The following PLEKHO2 variants were observed in gnomAD, a reference collection of about 807,000 sequenced individuals.
PLEKHO2 encodes the protein pleckstrin homology domain-containing family O member 2.
PLEKHO2 carries 20 observed loss-of-function variants against 32.7 expected under a neutral mutation model. The observed-to-expected ratio is 0.61, with a 90% CI of 0.43 to 0.89. The LOEUF (loss-of-function observed/expected upper bound fraction) is 0.89. Ranked by LOEUF, PLEKHO2 falls within the 40% of genes least tolerant of loss-of-function variation. The pLI is 0.00. For synonymous variants in PLEKHO2, 247 were observed against 246.3 expected, an observed-to-expected ratio of 1.00 and a Z score of -0.03; for missense variants, 568 against 621.2, an observed-to-expected ratio of 0.91 and a Z score of 0.91.
At chr15:64,847,113 TTCCCCACCACTAGAA>T (rs1365644252) in intron 1 of PLEKHO2, among the ~76,000 whole-genome samples, 1 of 152,192 alleles carries the variant, frequency 6.6e-6, no homozygotes, top group Non-Finnish European at 1.5e-5. Context: ...TAAGCCCAGA[TTCCCCACCACTAGAA>T]TGCGCAGTTC....
chr15:64,865,687 G>A lies in PLEKHO2; in HGVS notation c.1272G>A (p.Glu424=), dbSNP rs201252760. The part of the protein sequence containing the change: ...LEVKVASEQT[E]KLLNKVLGSE... ...TGAAGGTGGCCTCGGAACAGACGGA[G>A]AAACTGTTGAACAAGGTGCTGGGCA... is the stretch of plus-strand genomic sequence containing the variant. The change falls in exon 6 of 6, where the codon GAG becomes GAA. Residue 424 remains glutamate (E), a synonymous_variant. Coordinates refer to ENST00000323544, the MANE Select transcript of PLEKHO2 (RefSeq NM_025201.5). The A allele has an allele frequency of 1.5e-5, 24 of 1,614,236 alleles. No homozygotes were observed.
At chr15:64,862,194 C>T (rs1160187355) in intron 5 of PLEKHO2, among the ~76,000 whole-genome samples, 2 of 151,910 alleles carry the variant, frequency 1.3e-5, no homozygotes, top group Admixed American at 1.3e-4. Context: ...GGTGAAGAAG[C>T]TGGAGACAAG....
At chr15:64,861,439 G>A (rs748145613) in intron 4 of PLEKHO2, 38 bp from the exon 5 acceptor site, 5 of 1,517,786 alleles carry the variant, frequency 3.3e-6, no homozygotes, top group African/African-American at 2.7e-5. Context: ...CACTCCCCAA[G>A]GCTTGGCAGG....
In PLEKHO2 at chr15:64,854,917, C is replaced by G. The variant is rs200372603; in HGVS notation, c.163-4C>G. The G allele has an allele frequency of 5.8e-3, 9,320 of 1,610,736 alleles. 43 individuals carry two copies. Among genetic ancestry groups the G allele is most frequent in the Non-Finnish European group, 7.2e-3 (8,447 of 1,177,460 alleles). On this transcript the variant is annotated splice_polypyrimidine_tract_variant and splice_region_variant and intron_variant, in intron 2 of 5. Transcript: ENST00000323544. ...GCTCATGTCCCTTCTGTCTCCCTCC[C>G]CAGGATGATCAGAAGTGTGTGGAGA...
At chr15:64,854,806 C>A in intron 2 of PLEKHO2, 115 bp from the exon 3 acceptor site, 1 of 776,254 alleles carries the variant, frequency 1.3e-6, no homozygotes, top group South Asian at 1.6e-5. Context: ...TGAGGTCCTC[C>A]CTCTAACCAA....
chr15:64,847,460 G>A (rs947290464), intron 1 of PLEKHO2, among the ~76,000 whole-genome samples: 10 of 152,074 alleles, frequency 6.6e-5, no homozygotes, highest in Non-Finnish European at 1.5e-4. Context: ...ACGACTCTGG[G>A]TACCTATCAG....
At position 64,852,480 on chromosome 15, in the gene PLEKHO2, T is replaced by TC. The variant is rs953251950; in HGVS notation, c.163-2440dup. On this transcript the variant is annotated intron_variant, in intron 2 of 5. Transcript: ENST00000323544. ...GTAGTTATCCACATTAGATATACAG[T>TC]CATCTGCTTTAAAATATCCTGAGGT... Among the ~76,000 whole-genome samples the TC allele has an allele frequency of 5.9e-5, 9 of 152,338 alleles. No homozygotes were observed. In the Middle Eastern group the frequency reaches 0.01, roughly 173 times the overall value.
intron 1 of PLEKHO2, among the ~76,000 whole-genome samples, chr15:64,848,267 G>A (rs959336076): frequency 2.0e-5 from 3 of 152,198 alleles, no homozygotes; most frequent in East Asian, 3.8e-4. Context: ...CCACTCTGTC[G>A]AGTCATCCTC....
chr15:64,853,110 G>T (rs2084580599), intron 2 of PLEKHO2, among the ~76,000 whole-genome samples: 1 of 150,490 alleles, frequency 6.6e-6, no homozygotes, highest in African/African-American at 2.4e-5. Context: ...CTGCACTCCA[G>T]CCTGAGCGAC....
intron 3 of PLEKHO2, among the ~76,000 whole-genome samples, chr15:64,859,687 G>A (rs1042106562): frequency 5.3e-5 from 8 of 152,226 alleles, no homozygotes; most frequent in African/African-American, 1.7e-4. Flanking sequence ...AGGCTGATTC[G>A]AATCTAGACC....
intron 1 of PLEKHO2, among the ~76,000 whole-genome samples, chr15:64,848,125 T>C (rs1222416120): frequency 1.3e-5 from 2 of 152,238 alleles, no homozygotes; most frequent in Non-Finnish European, 2.9e-5. Flanking sequence ...TATTCTCCTG[T>C]GATGTTGTAA....
rs929269332 is a variant in PLEKHO2 at position 64,859,313 on chromosome 15, T to C, written c.280-581T>C. 2.0e-5 allele frequency among the ~76,000 whole-genome samples: 3 copies of C among 152,208 alleles called. 1 individual carries two copies. Among genetic ancestry groups the C allele is most frequent in the South Asian group, 4.1e-4 (2 of 4,838 alleles). On this transcript the variant is annotated intron_variant, in intron 3 of 5. Coordinates refer to ENST00000323544, the MANE Select transcript of PLEKHO2 (RefSeq NM_025201.5). ...GTTCTGGTGGTATTCTCTTTTACAGTTGAAGAAACTGAGGCCTGAGGTCAG... is the reference window on the plus strand; with the variant it reads ...GTTCTGGTGGTATTCTCTTTTACAGCTGAAGAAACTGAGGCCTGAGGTCAG...
At chr15:64,845,501 G>C (rs951362041) in intron 1 of PLEKHO2, among the ~76,000 whole-genome samples, 1 of 152,068 alleles carries the variant, frequency 6.6e-6, no homozygotes, top group African/African-American at 2.4e-5. Context: ...GGGTCTGAGG[G>C]GCAGGGAAGG....
chr15:64,865,286 T>A lies in PLEKHO2; in HGVS notation c.871T>A (p.Ser291Thr), dbSNP rs376569779. The A allele has an allele frequency of 4.1e-5, 66 of 1,613,594 alleles. No homozygotes were observed. The highest frequency in any genetic ancestry group is 5.4e-5 in the Non-Finnish European group (64 of 1,179,772). ...EAPAAESAEP[S>T]QAPCSETSEA... ...CCCTGCTGCAGAGAGTGCAGAACCG[T>A]CCCAGGCACCCTGTTCTGAGACTTC... The change falls in exon 6 of 6, where the codon TCC (serine) becomes ACC (threonine). Residue 291 changes from serine (S) to threonine (T), a missense_variant. By Grantham distance (58) the Ser-to-Thr change is moderately conservative. Coordinates refer to ENST00000323544, the MANE Select transcript of PLEKHO2 (RefSeq NM_025201.5).
chr15:64,843,685 A>G (rs796506230), intron 1 of PLEKHO2, among the ~76,000 whole-genome samples: 7 of 151,624 alleles, frequency 4.6e-5, no homozygotes, highest in African/African-American at 1.5e-4. Flanking sequence ...GGTTCAAGCA[A>G]TTCTCCTGCC....
At chr15:64,849,359 G>A (rs184491907) in intron 2 of PLEKHO2, among the ~76,000 whole-genome samples, 91 of 152,116 alleles carry the variant, frequency 6.0e-4, no homozygotes, top group Non-Finnish European at 9.7e-4. Flanking sequence ...AGTTGGCCAG[G>A]AGAGTCTCAA....
At chr15:64,854,127 A>G (rs537382187) in intron 2 of PLEKHO2, among the ~76,000 whole-genome samples, 1 of 152,300 alleles carries the variant, frequency 6.6e-6, no homozygotes, top group South Asian at 2.1e-4. Flanking sequence ...TTTCCCAGGC[A>G]GCTTGCTGGA....
At chr15:64,851,236 T>A (rs1674483912) in intron 2 of PLEKHO2, among the ~76,000 whole-genome samples, 1 of 152,146 alleles carries the variant, frequency 6.6e-6, no homozygotes, top group South Asian at 2.1e-4. Context: ...CAGTTGAGAA[T>A]GAGGCAGCAG....
chr15:64,843,409 C>T (rs2084499495), intron 1 of PLEKHO2, among the ~76,000 whole-genome samples: 1 of 152,170 alleles, frequency 6.6e-6, no homozygotes, highest in Non-Finnish European at 1.5e-5. Flanking sequence ...GCTGCAAGGG[C>T]TGGGCTCTCT....
Sources: gnomAD v4.1 joint callset for allele counts (sites outside exome capture counted in the v4.1 genomes callset) on GRCh38, gnomAD v4.1.1 for gene constraint, MANE v1.5 for transcripts, NCBI Gene and HGNC (gene_info 2026-07-23, HGNC 2026-07-21) for gene names.